ADAMTS6: variants seen among roughly 807,000 people sequenced by gnomAD.
The protein encoded by ADAMTS6 is ADAM metallopeptidase with thrombospondin type 1 motif 6.
A neutral mutation model predicts 144.3 loss-of-function variants in ADAMTS6; 23 were observed. The ratio of observed to expected loss-of-function variants is 0.16; its 90% CI spans 0.11 to 0.23. The LOEUF (loss-of-function observed/expected upper bound fraction) is 0.23, where lower values mean the gene tolerates loss of function less well. ADAMTS6 is among the 10% of genes least tolerant of loss of function. The pLI is 1.00. For synonymous variants in ADAMTS6, 444 were observed against 457.5 expected (o/e 0.97, Z 0.38); for missense variants, 999 against 1,379.6 (o/e 0.72, Z 4.37).
chr5:65,237,263 C>A (rs7721145), intron 15 of ADAMTS6, among the ~76,000 whole-genome samples: 2 of 151,234 alleles, frequency 1.3e-5, no homozygotes, highest in African/African-American at 2.4e-5. Context: ...ATTTGCCCAG[C>A]GTGGTGCCTA....
intron 9 of ADAMTS6, among the ~76,000 whole-genome samples, chr5:65,317,350 A>T (rs1431908545): frequency 6.6e-6 from 1 of 152,206 alleles, no homozygotes; most frequent in African/African-American, 2.4e-5. Context: ...GGGCAGATAT[A>T]CTTTTCAAGG....
chr5:65,213,261 T>A (rs1033479633), intron 20 of ADAMTS6, among the ~76,000 whole-genome samples: 1 of 17,702 alleles, frequency 5.6e-5, no homozygotes. Flanking sequence ...TTATTATTCA[T>A]CTTTTTTGTT....
chr5:65,449,020 T>A (rs956219186), intron 7 of ADAMTS6, among the ~76,000 whole-genome samples: 3 of 152,162 alleles, frequency 2.0e-5, no homozygotes, highest in Non-Finnish European at 2.9e-5. Flanking sequence ...GTACCTCTCC[T>A]CTGATCCTCA....
intron 24 of ADAMTS6, among the ~76,000 whole-genome samples, chr5:65,161,123 C>T (rs914456637): frequency 2.0e-5 from 3 of 152,114 alleles, no homozygotes; most frequent in Non-Finnish European, 4.4e-5. Flanking sequence ...ACTGCAACCT[C>T]GACCTCCCAA....
At chr5:65,409,385 C>A (rs576690776) in intron 7 of ADAMTS6, among the ~76,000 whole-genome samples, 14 of 152,258 alleles carry the variant, frequency 9.2e-5, no homozygotes, top group African/African-American at 3.4e-4. Context: ...TGCAAATAAA[C>A]TAGAAAATCT....
chr5:65,210,770 A>T lies in ADAMTS6; in HGVS notation c.2575+4024T>A, dbSNP rs1400962122. On this transcript the variant is annotated intron_variant, in intron 20 of 24. Coordinates refer to ENST00000381055, the MANE Select transcript of ADAMTS6 (RefSeq NM_197941.4). Reference sequence around the variant, plus strand: ...TGCTACTTAATGGAGGAAGATGAAGATGCTTACAAGAAACAGTTCTCTCAA... The same window carrying T: ...TGCTACTTAATGGAGGAAGATGAAGTTGCTTACAAGAAACAGTTCTCTCAA... The T allele has an allele frequency of 9.6e-6, 6 of 624,072 alleles. No individual in the cohort carries two copies. In the East Asian group the frequency reaches 1.8e-4, roughly 19 times the overall value. 38.7% of individuals were successfully genotyped at this position (624,072 alleles called of 1,614,324 possible).
chr5:65,248,882 T>A (rs1028378515), intron 14 of ADAMTS6, among the ~76,000 whole-genome samples: 13 of 152,302 alleles, frequency 8.5e-5, no homozygotes, highest in African/African-American at 2.9e-4. Flanking sequence ...GCTAAAAACC[T>A]AGTCCTTATT....
At chr5:65,231,295 C>T (rs1758225391) in intron 15 of ADAMTS6, among the ~76,000 whole-genome samples, 1 of 151,908 alleles carries the variant, frequency 6.6e-6, no homozygotes, top group Admixed American at 6.6e-5. Flanking sequence ...CAAAGAAAGT[C>T]ATTATATAAT....
intron 1 of ADAMTS6, among the ~76,000 whole-genome samples, chr5:65,480,447 C>T (rs1761126652): frequency 6.6e-6 from 1 of 152,086 alleles, no homozygotes; most frequent in African/African-American, 2.4e-5. Flanking sequence ...GGATAAAACG[C>T]GTGTGACCCA....
At position 65,188,154 on chromosome 5, in the gene ADAMTS6, C is replaced by T. The variant is rs1477038760; in HGVS notation, c.2772G>A (p.Val924=). ...AAGGTCCGATCTTCCTGATGCAGAG[C>T]ACTGCCCTTGTGCGCATCCCACCAT... ...TCDGGMRTRA[V]LCIRKIGPSE... is the part of the protein sequence containing the mutation. The change falls in exon 22 of 25, where the codon GTG becomes GTA. Residue 924 remains valine (V), a synonymous_variant. Coordinates refer to ENST00000381055, the MANE Select transcript of ADAMTS6 (RefSeq NM_197941.4). The T allele has an allele frequency of 1.2e-6, 2 of 1,614,054 alleles. No homozygotes were observed. Among genetic ancestry groups the T allele is most frequent in the South Asian group, 1.1e-5 (1 of 91,090 alleles).
At chr5:65,370,295 C>T (rs1047705882) in intron 7 of ADAMTS6, among the ~76,000 whole-genome samples, 8 of 152,202 alleles carry the variant, frequency 5.3e-5, no homozygotes, top group Admixed American at 5.2e-4. Flanking sequence ...ATAGAAACAG[C>T]TCCGGTCTAT....
chr5:65,172,756 A>G (rs1001958568), intron 23 of ADAMTS6, 76 bp downstream of exon 23: 1 of 1,519,092 alleles, frequency 6.6e-7, no homozygotes, highest in Admixed American at 2.0e-5. Context: ...AAGCCCTTAC[A>G]ATGATCACAC....
chr5:65,332,894 T>C (rs1746906607), intron 8 of ADAMTS6, among the ~76,000 whole-genome samples: 1 of 152,162 alleles, frequency 6.6e-6, no homozygotes, highest in African/African-American at 2.4e-5. Context: ...CCATAGTTAA[T>C]ACTCAGCATT....
intron 9 of ADAMTS6, among the ~76,000 whole-genome samples, chr5:65,303,645 A>T (rs1163142473): frequency 6.6e-6 from 1 of 151,760 alleles, no homozygotes; most frequent in Non-Finnish European, 1.5e-5. Flanking sequence ...AAATACTCTT[A>T]AGCATAAAAT....
chr5:65,257,302 C>A (rs1054597287), intron 14 of ADAMTS6, among the ~76,000 whole-genome samples: 3 of 152,156 alleles, frequency 2.0e-5, no homozygotes, highest in South Asian at 2.1e-4. Flanking sequence ...CCCATGGCCA[C>A]ACTCCAGATT....
chr5:65,196,624 A>T (rs910663917), intron 21 of ADAMTS6, among the ~76,000 whole-genome samples: 2 of 149,770 alleles, frequency 1.3e-5, no homozygotes. Flanking sequence ...ATTTTATTAC[A>T]TCTAAGACTT....
intron 7 of ADAMTS6, among the ~76,000 whole-genome samples, chr5:65,344,552 C>G (rs1048522805): frequency 6.6e-6 from 1 of 151,790 alleles, no homozygotes; most frequent in African/African-American, 2.4e-5. Flanking sequence ...TTGAAGAATT[C>G]TCTATTGTTG....
intron 7 of ADAMTS6, among the ~76,000 whole-genome samples, chr5:65,341,626 C>T (rs1747834153): frequency 6.6e-6 from 1 of 151,994 alleles, no homozygotes; most frequent in African/African-American, 2.4e-5. Context: ...TGGACACATG[C>T]AACTTACTAA....
intron 11 of ADAMTS6, among the ~76,000 whole-genome samples, chr5:65,276,210 T>C (rs575808699): frequency 6.6e-6 from 1 of 152,208 alleles, no homozygotes; most frequent in East Asian, 1.9e-4. Context: ...TTTTAGAGAA[T>C]GATGCATTTT....
Sources: gnomAD v4.1 joint callset for allele counts (sites outside exome capture counted in the v4.1 genomes callset) on GRCh38, gnomAD v4.1.1 for gene constraint, MANE v1.5 for transcripts, NCBI Gene and HGNC (gene_info 2026-07-23, HGNC 2026-07-21) for gene names.